Variants in PLCB4 observed in about 807,000 individuals in gnomAD.
PLCB4 encodes the protein 1-phosphatidylinositol 4,5-bisphosphate phosphodiesterase beta-4.
PLCB4 carries 77 observed loss-of-function variants against 178.8 expected under a neutral mutation model. The observed-to-expected ratio is 0.43, with a 90% CI of 0.36 to 0.52. The LOEUF (loss-of-function observed/expected upper bound fraction) is 0.52, where lower values mean the gene tolerates loss of function less well. Ranked by LOEUF, PLCB4 falls within the 20% of genes least tolerant of loss-of-function variation. The pLI, the probability that PLCB4 is intolerant of heterozygous loss-of-function variation, is 0.00. For missense variants in PLCB4, 1,024 were observed against 1,453.4 expected (o/e 0.70, Z 4.80); for synonymous variants, 496 against 490.8 (o/e 1.01, Z -0.14).
intron 4 of PLCB4, among the ~76,000 whole-genome samples, chr20:9,313,110 A>G (rs2094855750): frequency 1.3e-5 from 2 of 152,330 alleles, no homozygotes; most frequent in East Asian, 3.9e-4. Flanking sequence ...TAAGCTTGAG[A>G]TAATTTAAAT....
intron 37 of PLCB4, 84 bp from the exon 38 acceptor site, chr20:9,473,195 T>C: frequency 1.3e-6 from 1 of 775,238 alleles, no homozygotes; most frequent in East Asian, 2.8e-5. Flanking sequence ...ACTTAAATTA[T>C]AAAGTTACAA....
intron 28 of PLCB4, among the ~76,000 whole-genome samples, chr20:9,426,117 A>G (rs959605061): frequency 1.3e-5 from 2 of 149,756 alleles, no homozygotes; most frequent in Admixed American, 6.6e-5. Flanking sequence ...TCTAGAAAAA[A>G]AAATGTTTTT....
intron 19 of PLCB4, among the ~76,000 whole-genome samples, chr20:9,399,100 A>G (rs746218433): frequency 6.6e-6 from 1 of 152,210 alleles, no homozygotes; most frequent in Non-Finnish European, 1.5e-5. Context: ...GGCTTCATGT[A>G]TTATTCTTAA....
chr20:9,271,811 A>T (rs1337473646), intron 3 of PLCB4, among the ~76,000 whole-genome samples: 2 of 152,056 alleles, frequency 1.3e-5, no homozygotes, highest in African/African-American at 4.8e-5. Context: ...CATCAGACTA[A>T]CTATATCAGT....
At chr20:9,271,825 GGCTTTTAGGGTTGT>G (rs1181476422) in intron 3 of PLCB4, among the ~76,000 whole-genome samples, 1 of 151,970 alleles carries the variant, frequency 6.6e-6, no homozygotes, top group Non-Finnish European at 1.5e-5. Context: ...TATCAGTTGG[GGCTTTTAGGGTTGT>G]GCTTTTTGGA....
At chr20:9,113,873 G>A (rs1424096538) in intron 2 of PLCB4, among the ~76,000 whole-genome samples, 1 of 152,064 alleles carries the variant, frequency 6.6e-6, no homozygotes, top group Non-Finnish European at 1.5e-5. Flanking sequence ...ATGCAGCAGG[G>A]TAGAAAGGGA....
At chr20:9,199,351 T>C (rs965485084) in intron 2 of PLCB4, among the ~76,000 whole-genome samples, 1 of 152,192 alleles carries the variant, frequency 6.6e-6, no homozygotes, top group African/African-American at 2.4e-5. Context: ...GAAAGTTTCA[T>C]TTATTCATTC....
At chr20:9,322,476 C>T (rs2094972471) in intron 4 of PLCB4, among the ~76,000 whole-genome samples, 1 of 152,210 alleles carries the variant, frequency 6.6e-6, no homozygotes, top group African/African-American at 2.4e-5. Context: ...CTCCGAAATG[C>T]TGCTTTGTCA....
chr20:9,469,179 C>A (rs1244668272), intron 36 of PLCB4, among the ~76,000 whole-genome samples: 1 of 152,118 alleles, frequency 6.6e-6, no homozygotes, highest in African/African-American at 2.4e-5. Flanking sequence ...TGGGGTTTCA[C>A]CATGTTGGCC....
intron 2 of PLCB4, among the ~76,000 whole-genome samples, chr20:9,204,601 G>A (rs1258552022): frequency 6.6e-6 from 1 of 152,032 alleles, no homozygotes; most frequent in Admixed American, 6.5e-5. Context: ...GACCTCAGGT[G>A]ATCTGCCTGC....
chr20:9,455,373 A>T (rs1163748114), intron 33 of PLCB4, among the ~76,000 whole-genome samples: 1 of 152,252 alleles, frequency 6.6e-6, no homozygotes, highest in Non-Finnish European at 1.5e-5. Flanking sequence ...TCTTTGCTAA[A>T]AATAATATTA....
At chr20:9,258,153 T>A (rs1341726770) in intron 3 of PLCB4, among the ~76,000 whole-genome samples, 1 of 152,182 alleles carries the variant, frequency 6.6e-6, no homozygotes, top group Non-Finnish European at 1.5e-5. Flanking sequence ...TAGCATTGGA[T>A]CATCATCTCC....
At chr20:9,158,111 C>T (rs760473667) in intron 2 of PLCB4, among the ~76,000 whole-genome samples, 4 of 152,218 alleles carry the variant, frequency 2.6e-5, no homozygotes, top group African/African-American at 7.2e-5. Context: ...CAAAGTCACA[C>T]GGCAAGGAAG....
At chr20:9,163,615 GAAT>G (rs2092924022) in intron 2 of PLCB4, among the ~76,000 whole-genome samples, 1 of 151,640 alleles carries the variant, frequency 6.6e-6, no homozygotes, top group South Asian at 2.1e-4. Context: ...TTGTAAATGG[GAAT>G]AATAAAATAT....
chr20:9,455,421 A>G (rs1279999831), intron 33 of PLCB4, among the ~76,000 whole-genome samples: 3 of 152,232 alleles, frequency 2.0e-5, no homozygotes, highest in African/African-American at 7.2e-5. Flanking sequence ...TGCTACCTTT[A>G]GAAATTTTTA....
At chr20:9,437,186 C>T in intron 30 of PLCB4, 34 bp downstream of exon 30, 3 of 1,589,246 alleles carry the variant, frequency 1.9e-6, no homozygotes, top group Non-Finnish European at 2.6e-6. Context: ...TTATCTTCTG[C>T]ACCCACCTTA....
intron 3 of PLCB4, among the ~76,000 whole-genome samples, chr20:9,222,521 C>T (rs1012722220): frequency 6.6e-6 from 1 of 152,148 alleles, no homozygotes; most frequent in Non-Finnish European, 1.5e-5. Flanking sequence ...TTTCTTGTAG[C>T]TTCATTAAGA....
At chr20:9,379,351 GA>G (rs1186126022) in intron 12 of PLCB4, among the ~76,000 whole-genome samples, 1 of 152,082 alleles carries the variant, frequency 6.6e-6, no homozygotes, top group Non-Finnish European at 1.5e-5. Flanking sequence ...GTGTCAATTT[GA>G]AAACAATAAT....
At chr20:9,237,171 T>G (rs1263461065) in intron 3 of PLCB4, among the ~76,000 whole-genome samples, 2 of 152,152 alleles carry the variant, frequency 1.3e-5, no homozygotes, top group Non-Finnish European at 2.9e-5. Context: ...TGTGGGAAAA[T>G]GTACAAATCC....
Sources: allele counts gnomAD v4.1 joint callset (sites outside exome capture counted in the v4.1 genomes callset), GRCh38; gene constraint gnomAD v4.1.1; transcripts MANE v1.5; gene names NCBI Gene and HGNC (gene_info 2026-07-23, HGNC 2026-07-21).